The following AUTS2 variants were observed in gnomAD, a reference collection of about 807,000 sequenced individuals.
AUTS2 encodes the protein autism susceptibility gene 2 protein.
Under a neutral mutation model 112.4 loss-of-function variants are expected in AUTS2, and 17 were observed. That is an observed-to-expected ratio of 0.15 (90% CI 0.10 to 0.23). The LOEUF (loss-of-function observed/expected upper bound fraction) is 0.23. Ranked by LOEUF, AUTS2 falls within the 10% of genes least tolerant of loss-of-function variation. AUTS2 has a pLI of 1.00. For missense variants in AUTS2, 1,510 were observed against 1,701.6 expected (o/e 0.89, Z 1.98); for synonymous variants, 751 against 702.7 (o/e 1.07, Z -1.09).
intron 6 of AUTS2, among the ~76,000 whole-genome samples, chr7:70,745,864 ATT>A (rs1788419581): frequency 2.0e-5 from 3 of 152,234 alleles, no homozygotes; most frequent in African/African-American, 7.2e-5. Context: ...ATGATGTCCA[ATT>A]ATGGAAACAA....
At chr7:70,621,394 T>C (rs1193849567) in intron 5 of AUTS2, among the ~76,000 whole-genome samples, 1 of 152,252 alleles carries the variant, frequency 6.6e-6, no homozygotes, top group Non-Finnish European at 1.5e-5. Flanking sequence ...GCAGGAGATC[T>C]CTTGCCACCT....
intron 6 of AUTS2, among the ~76,000 whole-genome samples, chr7:70,753,284 G>A (rs1333159143): frequency 3.3e-5 from 5 of 152,054 alleles, no homozygotes; most frequent in African/African-American, 9.7e-5. Context: ...TTAGGATTTT[G>A]CTTTTAATAG....
chr7:70,417,914 G>A (rs1585121935), intron 4 of AUTS2, among the ~76,000 whole-genome samples: 1 of 152,164 alleles, frequency 6.6e-6, no homozygotes, highest in Admixed American at 6.5e-5. Flanking sequence ...CACCACTGTT[G>A]TTTGGCCTGC....
At chr7:69,632,851 T>G (rs1794328177) in intron 1 of AUTS2, among the ~76,000 whole-genome samples, 2 of 152,142 alleles carry the variant, frequency 1.3e-5, no homozygotes, top group South Asian at 4.1e-4. Context: ...TTGCTTTTAT[T>G]TATTTTTAAA....
chr7:69,694,946 A>C (rs561153161), intron 1 of AUTS2, among the ~76,000 whole-genome samples: 26 of 152,318 alleles, frequency 1.7e-4, no homozygotes, highest in Non-Finnish European at 3.1e-4. Flanking sequence ...CCACTGGAAC[A>C]TTTTGGGTGT....
At chr7:69,823,442 A>G (rs1326959899) in intron 1 of AUTS2, among the ~76,000 whole-genome samples, 1 of 152,164 alleles carries the variant, frequency 6.6e-6, no homozygotes. Flanking sequence ...GTTGAACTGT[A>G]TGTTGAGCAG....
At chr7:70,489,474 A>G (rs912187289) in intron 5 of AUTS2, among the ~76,000 whole-genome samples, 1 of 151,598 alleles carries the variant, frequency 6.6e-6, no homozygotes. Context: ...CCTTCAGTAA[A>G]CCCCCCCAGA....
At chr7:70,032,306 C>T (rs1036671282) in intron 2 of AUTS2, among the ~76,000 whole-genome samples, 2 of 152,104 alleles carry the variant, frequency 1.3e-5, no homozygotes, top group Admixed American at 1.3e-4. Flanking sequence ...GTATGGCAAG[C>T]ATTAATGAAA....
chr7:70,629,848 T>C (rs1805165929), intron 5 of AUTS2, among the ~76,000 whole-genome samples: 1 of 152,162 alleles, frequency 6.6e-6, no homozygotes, highest in Admixed American at 6.6e-5. Flanking sequence ...ATAAAAATGC[T>C]CTCATATTCT....
At chr7:69,890,074 GAGGGACTGT>G in intron 1 of AUTS2, among the ~76,000 whole-genome samples, 2 of 152,140 alleles carry the variant, frequency 1.3e-5, no homozygotes, top group Non-Finnish European at 2.9e-5. Flanking sequence ...AGATTATCTG[GAGGGACTGT>G]AATCCAATTT....
intron 1 of AUTS2, among the ~76,000 whole-genome samples, chr7:69,624,216 G>A (rs1161740368): frequency 6.6e-6 from 1 of 152,120 alleles, no homozygotes; most frequent in Non-Finnish European, 1.5e-5. Flanking sequence ...AAATGCGTAA[G>A]GACAGATTAT....
intron 4 of AUTS2, among the ~76,000 whole-genome samples, chr7:70,215,758 A>G (rs1167888689): frequency 6.6e-6 from 1 of 152,138 alleles, no homozygotes; most frequent in Admixed American, 6.5e-5. Context: ...GTAATTTTTC[A>G]TGGTGAAGAT....
At chr7:70,495,876 G>A (rs1355319023) in intron 5 of AUTS2, among the ~76,000 whole-genome samples, 2 of 112,732 alleles carry the variant, frequency 1.8e-5, no homozygotes, top group Non-Finnish European at 3.5e-5. Flanking sequence ...CCCCACACAT[G>A]CACATGTCAC....
intron 2 of AUTS2, among the ~76,000 whole-genome samples, chr7:70,025,077 A>G (rs1284329413): frequency 2.0e-5 from 3 of 152,244 alleles, no homozygotes; most frequent in African/African-American, 7.2e-5. Context: ...GTTATGGGAC[A>G]GCATTAGTGT....
intron 2 of AUTS2, among the ~76,000 whole-genome samples, chr7:69,957,627 A>G (rs556456352): frequency 6.6e-6 from 1 of 152,284 alleles, no homozygotes; most frequent in Admixed American, 6.5e-5. Context: ...TCCTAATTAA[A>G]AACATTTGGA....
At chr7:69,622,234 C>T (rs965671886) in intron 1 of AUTS2, among the ~76,000 whole-genome samples, 1 of 152,118 alleles carries the variant, frequency 6.6e-6, no homozygotes, top group African/African-American at 2.4e-5. Context: ...CGATTGTGTT[C>T]TCAGATAAAA....
intron 1 of AUTS2, among the ~76,000 whole-genome samples, chr7:69,717,692 GATTTTCTGGAGTGTA>G (rs1406761914): frequency 2.0e-5 from 3 of 152,160 alleles, no homozygotes; most frequent in Non-Finnish European, 4.4e-5. Flanking sequence ...GGTGGAGGTA[GATTTTCTGGAGTGTA>G]ATTTTCTGGA....
At chr7:69,716,885 T>C (rs142655676) in intron 1 of AUTS2, among the ~76,000 whole-genome samples, 6 of 152,224 alleles carry the variant, frequency 3.9e-5, no homozygotes, top group East Asian at 3.9e-4. Context: ...GATACAGATA[T>C]GAACAGCCAA....
intron 2 of AUTS2, among the ~76,000 whole-genome samples, chr7:69,930,342 C>T (rs1377656072): frequency 6.6e-6 from 1 of 152,138 alleles, no homozygotes; most frequent in African/African-American, 2.4e-5. Context: ...GTCCTCTATC[C>T]TATGAACCCC....
Sources: allele counts gnomAD v4.1 joint callset (sites outside exome capture counted in the v4.1 genomes callset), GRCh38; gene constraint gnomAD v4.1.1; transcripts MANE v1.5; gene names NCBI Gene and HGNC (gene_info 2026-07-23, HGNC 2026-07-21).